The following PPFIA3 variants were observed in gnomAD, a reference collection of about 807,000 sequenced individuals.
PPFIA3 encodes the protein PPFI scaffold protein A3, also known as liprin-alpha-3.
In PPFIA3, 26 loss-of-function variants were observed where a neutral mutation model predicts 145.8. That is an observed-to-expected ratio of 0.18 (90% confidence interval 0.13 to 0.25). The LOEUF is 0.25. PPFIA3 is among the 10% of genes least tolerant of loss of function. The probability of loss-of-function intolerance (pLI) is 1.00; values close to 1 mark genes in which losing one functional copy is unlikely to be tolerated. For synonymous variants in PPFIA3, 645 were observed against 661.4 expected (o/e 0.98, Z 0.38); for missense variants, 1,008 against 1,587.8 (o/e 0.63, Z 6.21).
rs764025618 is a variant in PPFIA3, at chr19:49,134,704, A to C, written c.1440+3A>C. The C allele has an allele frequency of 3.7e-6, 6 of 1,613,754 alleles. No individual in the cohort carries two copies. The African/African-American group carries it at 6.7e-5, about 18-fold the overall frequency. On this transcript the variant is annotated splice_donor_region_variant and intron_variant, in intron 12 of 29. Coordinates refer to ENST00000334186, the MANE Select transcript of PPFIA3 (RefSeq NM_003660.4). Reference sequence around the variant, plus strand: ...AGGATGAGTTGCTGCTAAACAAGGTAGGGGGCCCTGAGGGGACAGGAGGAG... The same window carrying C: ...AGGATGAGTTGCTGCTAAACAAGGTCGGGGGCCCTGAGGGGACAGGAGGAG...
Position 49,135,018 on chromosome 19 carries a change from A to T in PPFIA3, c.1520+103A>T. Reference sequence around the variant, plus strand: ...ACTTCCTGTCCTCCTGAGACTTCTGACCCCTCTGTTTTTGTTTTTTGTTTG... The same window carrying T: ...ACTTCCTGTCCTCCTGAGACTTCTGTCCCCTCTGTTTTTGTTTTTTGTTTG... On this transcript the variant is annotated intron_variant, in intron 13 of 29. Transcript: ENST00000334186. 9.4e-6 allele frequency: 9 copies of T among 961,280 alleles called. No individual in the cohort carries two copies. In the South Asian group the frequency reaches 1.1e-4, roughly 11 times the overall value. The allele number at this position is 961,280 out of a possible 1,614,324, so 59.5% of individuals were successfully genotyped here.
chr19:49,142,203 C>T, intron 20 of PPFIA3, 88 bp downstream of exon 20: 1 of 1,276,422 alleles, frequency 7.8e-7, no homozygotes, highest in Non-Finnish European at 1.1e-6. Context: ...TCCTGGCGCA[C>T]CCTGCTTCTA....
At chr19:49,127,292 G>C (rs1035976667) in intron 1 of PPFIA3, among the ~76,000 whole-genome samples, 1 of 144,344 alleles carries the variant, frequency 6.9e-6, no homozygotes, top group Non-Finnish European at 1.5e-5. Context: ...TGAGGGAGGA[G>C]AATTGCTTGA....
intron 15 of PPFIA3, among the ~76,000 whole-genome samples, chr19:49,137,702 C>G (rs1233367023): frequency 1.3e-5 from 2 of 149,290 alleles, no homozygotes; most frequent in African/African-American, 4.9e-5. Flanking sequence ...AAAGTCTACC[C>G]TGATTCACCA....
Position 49,129,421 on chromosome 19 carries a change from G to A in PPFIA3, c.549G>A (p.Val183=), listed in dbSNP as rs1247718896. The change falls in exon 5 of 30, where the codon GTG becomes GTA. Residue 183 remains valine (V), a synonymous_variant. Coordinates refer to ENST00000334186, the MANE Select transcript of PPFIA3 (RefSeq NM_003660.4). ...GGATGGCGCTGGAGCGCGTGGCAGT[G>A]CTCGAGGAGGAGCTGGAACTGAGCA... The part of the protein sequence containing the change: ...RLRMALERVA[V]LEEELELSNQ... 1.3e-6 allele frequency: 2 copies of A among 1,552,578 alleles called. No individual in the cohort carries two copies. The highest frequency in any genetic ancestry group is 3.9e-5 in the Admixed American group (2 of 51,076).
Position 49,145,978 on chromosome 19 carries a change from G to A in PPFIA3, c.2781G>A (p.Met927Ile), listed in dbSNP as rs746770635. ...TGNVWMTHEE[M>I]ESLTATTKPE... Reference sequence around the variant, plus strand: ...ACGTGTGGATGACACACGAGGAGATGGAGTCCCTTACGGCCACGACCAAGC... The same window carrying A: ...ACGTGTGGATGACACACGAGGAGATAGAGTCCCTTACGGCCACGACCAAGC... Residue 927 changes from methionine (M) to isoleucine (I), a missense_variant, in exon 22 of 30, where the codon ATG becomes ATA. This residue lies in a region of PPFIA3 where 154 missense variants were observed against 369.2 expected (regional missense o/e 0.42). Transcript: ENST00000334186. 2 of 1,613,996 alleles carry A rather than the reference G, an allele frequency of 1.2e-6. No individual in the cohort carries two copies. The highest frequency in any genetic ancestry group is 4.5e-5 in the East Asian group (2 of 44,894).
intron 15 of PPFIA3, 200 bp downstream of exon 15, chr19:49,137,111 ACC>A: frequency 2.2e-6 from 1 of 460,222 alleles, no homozygotes; most frequent in Non-Finnish European, 3.8e-6. Context: ...CTACACATAT[ACC>A]CCCCAGCCAG....
chr19:49,147,978 G>C lies in PPFIA3; in HGVS notation c.2836-105G>C, dbSNP rs1172286063. 7 of 1,194,830 alleles carry C rather than the reference G, an allele frequency of 5.9e-6. No homozygotes were observed. In the East Asian group the frequency reaches 1.7e-4, roughly 28 times the overall value. 74.0% of individuals were successfully genotyped at this position (1,194,830 alleles called of 1,614,324 possible). ...AGAGATTGGTCATTGTCCTACCATGGGGTGGGAAAAAACCTTGGATTGGGA... is the reference window on the plus strand; with the variant it reads ...AGAGATTGGTCATTGTCCTACCATGCGGTGGGAAAAAACCTTGGATTGGGA... On this transcript the variant is annotated intron_variant, in intron 23 of 29. Transcript: ENST00000334186.
chr19:49,125,406 G>A (rs2040985066), intron 1 of PPFIA3: 1 of 152,352 alleles, frequency 6.6e-6, no homozygotes, highest in Non-Finnish European at 1.5e-5. Flanking sequence ...AGTCCCTCCT[G>A]CTTTCCGCCG....
At chr19:49,138,530 T>C (rs2041170019) in intron 16 of PPFIA3, 103 bp downstream of exon 16, 1 of 1,022,708 alleles carries the variant, frequency 9.8e-7, no homozygotes, top group African/African-American at 1.6e-5. Flanking sequence ...CCAGTGGTTT[T>C]CCAAAGCAAC....
In PPFIA3 at chr19:49,150,359, A is replaced by G; in HGVS notation, c.*137A>G. 2.0e-6 allele frequency: 1 copy of G among 506,508 alleles called. No individual in the cohort carries two copies. The highest frequency in any genetic ancestry group is 3.5e-6 in the Non-Finnish European group (1 of 287,738). The allele number at this position is 506,508 out of a possible 1,614,324, so 31.4% of individuals were successfully genotyped here. On this transcript the variant is annotated 3_prime_UTR_variant, in exon 30 of 30. Coordinates refer to ENST00000334186, the MANE Select transcript of PPFIA3 (RefSeq NM_003660.4). Reference sequence around the variant, plus strand: ...GCCGAGGACTGGACCATCTGTACAGACCAGCGGGAGTGCGCGCGCCCGCCT... The same window carrying G: ...GCCGAGGACTGGACCATCTGTACAGGCCAGCGGGAGTGCGCGCGCCCGCCT...
intron 20 of PPFIA3, among the ~76,000 whole-genome samples, chr19:49,142,581 GC>G (rs1274008100): frequency 8.7e-5 from 3 of 34,604 alleles, no homozygotes; most frequent in Non-Finnish European, 1.8e-4. Flanking sequence ...TCCCCCACCC[GC>G]CCCCCGCCCC....
At chr19:49,134,271 C>T (rs2041110991) in intron 11 of PPFIA3, 106 bp downstream of exon 11, 1 of 1,436,724 alleles carries the variant, frequency 7.0e-7, no homozygotes, top group African/African-American at 1.4e-5. Context: ...GGAGGCCTCC[C>T]TAAACCCCGG....
At chr19:49,124,830 C>T (rs1053986342) in intron 1 of PPFIA3, among the ~76,000 whole-genome samples, 3 of 152,040 alleles carry the variant, frequency 2.0e-5, no homozygotes, top group Admixed American at 6.6e-5. Flanking sequence ...CTTTGGGAGG[C>T]CGAGGCGGGT....
intron 5 of PPFIA3, 70 bp downstream of exon 5, chr19:49,129,524 G>A: frequency 3.3e-6 from 5 of 1,502,144 alleles, no homozygotes; most frequent in African/African-American, 1.4e-5. Flanking sequence ...ACGGGGCGGA[G>A]CCGGTTGGGT....
At chr19:49,148,480 A>C (rs1004122152) in intron 24 of PPFIA3, 186 bp from the exon 25 acceptor site, 3 of 724,052 alleles carry the variant, frequency 4.1e-6, no homozygotes, top group Middle Eastern at 8.1e-4. Context: ...GACCCCTTCC[A>C]GGCTGGCCAG....
intron 21 of PPFIA3, 63 bp from the exon 22 acceptor site, chr19:49,145,880 C>T: frequency 1.3e-6 from 2 of 1,481,520 alleles, no homozygotes; most frequent in Non-Finnish European, 1.9e-6. Context: ...AGGAGGACAC[C>T]CTCCTTCCTC....
At chr19:49,148,568 T>A in intron 24 of PPFIA3, 98 bp from the exon 25 acceptor site, 1 of 1,006,108 alleles carries the variant, frequency 9.9e-7, no homozygotes, top group East Asian at 2.5e-5. Flanking sequence ...CTCCCCACCC[T>A]TTCCAAGAAG....
rs895439791 is a variant in PPFIA3, at chr19:49,138,815, A to G, written c.2076+388A>G. On this transcript the variant is annotated intron_variant, in intron 16 of 29. Transcript: ENST00000334186. ...TGAAACCCCCACCTCTACTAAAAATACAAAAATTAGCCTGGCCTGGTGGCA... is the reference window on the plus strand; with the variant it reads ...TGAAACCCCCACCTCTACTAAAAATGCAAAAATTAGCCTGGCCTGGTGGCA... 2.8e-4 allele frequency among the ~76,000 whole-genome samples: 42 copies of G among 152,038 alleles called. 1 individual carries two copies. The highest frequency in any genetic ancestry group is 1.5e-5 in the Non-Finnish European group (1 of 68,010).
Sources: allele counts gnomAD v4.1 joint callset (sites outside exome capture counted in the v4.1 genomes callset), GRCh38; gene constraint gnomAD v4.1.1; regional missense constraint gnomAD v4.1.1; transcripts MANE v1.5; gene names NCBI Gene and HGNC (gene_info 2026-07-23, HGNC 2026-07-21).